The following EPHX3 variants were observed in gnomAD, a reference collection of about 807,000 sequenced individuals.
EPHX3 encodes abhydrolase domain containing 9.
EPHX3 carries 39 observed loss-of-function variants against 40.2 expected under a neutral mutation model. That is an observed-to-expected ratio of 0.97 (90% CI 0.75 to 1.27). The LOEUF (loss-of-function observed/expected upper bound fraction) is 1.27. Ranked by LOEUF, EPHX3 falls within the 50% of genes most tolerant of loss-of-function variation. The pLI, the probability that EPHX3 is intolerant of heterozygous loss-of-function variation, is 0.00. For synonymous variants in EPHX3, 213 were observed against 209.7 expected (o/e 1.02, Z -0.14); for missense variants, 442 against 474.0 (o/e 0.93, Z 0.63).
intron 2 of EPHX3, 126 bp from the exon 3 acceptor site, chr19:15,231,522 G>T: frequency 7.7e-7 from 1 of 1,301,916 alleles, no homozygotes; most frequent in Non-Finnish European, 1.0e-6. Context: ...GGAGGATGGG[G>T]AATCCCAGGC....
chr19:15,231,835 G>T lies in EPHX3; in HGVS notation c.270C>A (p.Val90=). ...LKSSGLRLHY[V]SAGRGNGPLM... ...GGGGTCCGTTACCTCGTCCAGCCGAGACATAGTGCAGACGCAGGCCCGAGC... is the reference window on the plus strand; with the variant it reads ...GGGGTCCGTTACCTCGTCCAGCCGATACATAGTGCAGACGCAGGCCCGAGC... The change falls in exon 2 of 7, where the codon GTC becomes GTA. Residue 90 remains valine (V), a synonymous_variant. Transcript: ENST00000221730. The T allele has an allele frequency of 6.2e-7, 1 of 1,613,972 alleles. No individual in the cohort carries two copies. Among genetic ancestry groups the T allele is most frequent in the Non-Finnish European group, 8.5e-7 (1 of 1,180,020 alleles).
upstream of EPHX3, chr19:15,235,664 A>G (rs942714864): frequency 1.3e-5 from 2 of 152,138 alleles, no homozygotes; most frequent in Non-Finnish European, 2.9e-5. Context: ...ATTCACTGAC[A>G]TAATTATTGG....
At chr19:15,231,621 G>A (rs2047154938) in intron 2 of EPHX3, among the ~76,000 whole-genome samples, 155 bp downstream of exon 2, 1 of 152,130 alleles carries the variant, frequency 6.6e-6, no homozygotes, top group South Asian at 2.1e-4. Flanking sequence ...GTCCCTTCAG[G>A]GCCTAGGGAT....
intron 4 of EPHX3, among the ~76,000 whole-genome samples, chr19:15,230,653 ATTT>A: frequency 7.4e-6 from 1 of 135,126 alleles, no homozygotes; most frequent in African/African-American, 2.8e-5. Flanking sequence ...GGCTAATTAC[ATTT>A]TTTTTTTTTT....
chr19:15,231,389 A>T lies in EPHX3; in HGVS notation c.337T>A (p.Trp113Arg). Residue 113 changes from tryptophan to arginine, a missense_variant, in exon 3 of 7, where the codon TGG (tryptophan) becomes AGG (arginine). By Grantham distance (101) the Trp-to-Arg change is moderately radical. Coordinates refer to ENST00000221730, the MANE Select transcript of EPHX3 (RefSeq NM_024794.3). Reference sequence around the variant, plus strand: ...TGGAACTCCCGGAGCTGGTAACGCCAGGAGAACCTGCCAGGCGGGCGAGGG... The same window carrying T: ...TGGAACTCCCGGAGCTGGTAACGCCTGGAGAACCTGCCAGGCGGGCGAGGG... Reference protein sequence around the residue: ...LHGFPENWFSWRYQLREFQSR... With the variant: ...LHGFPENWFSRRYQLREFQSR... 6.2e-7 allele frequency: 1 copy of T among 1,613,626 alleles called. No homozygotes were observed. Among genetic ancestry groups the T allele is most frequent in the Middle Eastern group, 1.7e-4 (1 of 6,050 alleles).
Position 15,227,559 on chromosome 19 carries a change from G to A in EPHX3, c.961C>T (p.Arg321Cys), listed in dbSNP as rs3746204. The A allele has an allele frequency of 1.8e-5, 29 of 1,613,936 alleles. No individual in the cohort carries two copies. The highest frequency in any genetic ancestry group is 1.6e-4 in the Middle Eastern group (1 of 6,062). The change falls in exon 7 of 7, where the codon CGC becomes TGC. Residue 321 changes from arginine (R) to cysteine (C), a missense_variant. Coordinates refer to ENST00000221730, the MANE Select transcript of EPHX3 (RefSeq NM_024794.3). ...GCCTCCAAGCGGCCCGGCACAAAGC[G>A]GCTGCCGATGGCTTCCACCAGCCCC... ...ELGLVEAIGS[R>C]FVPGRLEAHI...
Position 15,228,058 on chromosome 19 carries a change from T to G in EPHX3, c.659A>C (p.Tyr220Ser). The G allele has an allele frequency of 1.9e-6, 3 of 1,612,314 alleles. No individual in the cohort carries two copies. Among genetic ancestry groups the G allele is most frequent in the Non-Finnish European group, 2.5e-6 (3 of 1,179,746 alleles). Residue 220 changes from tyrosine (Y) to serine (S), a missense_variant, in exon 5 of 7, where the codon TAC becomes TCC. By Grantham distance (144) the Tyr-to-Ser change is moderately radical. Coordinates refer to ENST00000221730, the MANE Select transcript of EPHX3 (RefSeq NM_024794.3). ...HHISQFFRSH[Y>S]MFLFQLPWLP... is the part of the protein sequence containing the mutation. ...CCAGGGCAGCTGGAACAGGAACATG[T>G]AGTGGGAACGGAAGAACTGGCTGAT...
At chr19:15,229,885 C>CAAAAAAAAAAAAAAAAAAAAAAAAAAAAA (rs546876108) in intron 4 of EPHX3, among the ~76,000 whole-genome samples, 28 of 9,370 alleles carry the variant, frequency 3.0e-3, no homozygotes, top group Non-Finnish European at 4.4e-3. Context: ...GACTCTGTCT[C>CAAAAAAAAAAAAAAAAAAAAAAAAAAAAA]AAAAAAAAAA....
chr19:15,231,648 C>T (rs760829402), intron 2 of EPHX3, 128 bp downstream of exon 2: 24 of 1,073,016 alleles, frequency 2.2e-5, no homozygotes, highest in Non-Finnish European at 2.8e-5. Context: ...TATGCTGGCT[C>T]AGTACCCCTA....
intron 2 of EPHX3, 116 bp from the exon 3 acceptor site, chr19:15,231,512 G>T: frequency 7.5e-7 from 1 of 1,329,954 alleles, no homozygotes; most frequent in Non-Finnish European, 1.0e-6. Flanking sequence ...TCCCCTAAAA[G>T]GAGGATGGGG....
upstream of EPHX3, chr19:15,236,923 C>G (rs1215016822): frequency 4.8e-6 from 1 of 206,808 alleles, no homozygotes; most frequent in Non-Finnish European, 9.8e-6. Context: ...GTCAGTGACT[C>G]CAGAGTTTGG....
chr19:15,232,460 G>C, upstream of EPHX3: 3 of 1,329,270 alleles, frequency 2.3e-6, no homozygotes, highest in Non-Finnish European at 2.9e-6. Context: ...GGGTGCGGAG[G>C]CTGGGGAGGA....
At chr19:15,234,686 TGTTA>T (rs1169190204), upstream of EPHX3, among the ~76,000 whole-genome samples, 3 of 152,336 alleles carry the variant, frequency 2.0e-5, no homozygotes, top group Admixed American at 6.5e-5. Context: ...TTTGTTTCCC[TGTTA>T]GTTTCCTTTA....
At chr19:15,230,270 G>C (rs893536912) in intron 4 of EPHX3, among the ~76,000 whole-genome samples, 1 of 152,160 alleles carries the variant, frequency 6.6e-6, no homozygotes, top group Non-Finnish European at 1.5e-5. Flanking sequence ...TCAGGTTCAA[G>C]TGATTCTCTT....
intron 4 of EPHX3, among the ~76,000 whole-genome samples, chr19:15,228,643 C>T (rs997805811): frequency 3.3e-5 from 5 of 150,184 alleles, no homozygotes; most frequent in Admixed American, 1.3e-4. Flanking sequence ...CTCAGCCTCC[C>T]GGTAGCTGGG....
chr19:15,228,180 A>G (rs2047127796), intron 4 of EPHX3, 80 bp from the exon 5 acceptor site: 4 of 1,138,756 alleles, frequency 3.5e-6, no homozygotes, highest in Non-Finnish European at 5.0e-6. Flanking sequence ...ACACATACCC[A>G]GGTCAGGGAC....
chr19:15,229,945 G>C (rs1164138563), intron 4 of EPHX3, among the ~76,000 whole-genome samples: 1 of 99,204 alleles, frequency 1.0e-5, no homozygotes, highest in Admixed American at 1.1e-4. Flanking sequence ...AACAACAAAA[G>C]AGAGAGAGAG....
At position 15,227,810 on chromosome 19, in the gene EPHX3, C is replaced by T. The variant is rs1307242438; in HGVS notation, c.818G>A (p.Gly273Asp). 6.2e-7 allele frequency: 1 copy of T among 1,613,930 alleles called. No homozygotes were observed. The highest frequency in any genetic ancestry group is 8.5e-7 in the Non-Finnish European group (1 of 1,179,988). Residue 273 changes from glycine (G) to aspartate (D), a missense_variant, in exon 6 of 7, where the codon GGC becomes GAC. Gly to Asp is a moderately conservative substitution (Grantham distance 94). Transcript: ENST00000221730. The part of the protein sequence containing the change: ...AFLYNFSQPG[G>D]LTGPLNYYRN... ...GTAGTAGTTGAGGGGCCCAGTGAGG[C>T]CACCAGGCTGTGAGAAGTTATAAAG...
rs369724989 is a variant in EPHX3 at position 15,227,512 on chromosome 19, C to T, written c.1008G>A (p.Gly336=). 892 of 1,614,162 alleles carry T rather than the reference C, an allele frequency of 5.5e-4. 3 individuals are homozygous for T. The South Asian group carries it at 8.5e-3, about 15-fold the overall frequency. ...GGGGGTTGCTCTGTGGGATCCAATG[C>T]CCTATGCCTGGCAGGATGTGGGCCT... The part of the protein sequence containing the change: ...RLEAHILPGI[G]HWIPQSNPQE... Residue 336 remains glycine, a synonymous_variant, in exon 7 of 7, where the codon GGG becomes GGA. Transcript: ENST00000221730.
Sources: gnomAD v4.1 joint callset for allele counts (sites outside exome capture counted in the v4.1 genomes callset) on GRCh38, gnomAD v4.1.1 for gene constraint, MANE v1.5 for transcripts, NCBI Gene and HGNC (gene_info 2026-07-23, HGNC 2026-07-21) for gene names.